PADI2: variants seen among roughly 807,000 people sequenced by gnomAD.
PADI2 encodes peptidyl arginine deiminase 2.
Under a neutral mutation model 81.1 loss-of-function variants are expected in PADI2, and 70 were observed. The observed-to-expected ratio is 0.86, with a 90% CI of 0.71 to 1.05. PADI2 has a LOEUF of 1.05. PADI2 is among the 50% of genes least tolerant of loss of function. The probability of loss-of-function intolerance (pLI) is 0.00; values close to 1 mark genes in which losing one functional copy is unlikely to be tolerated. For synonymous variants in PADI2, 338 were observed against 358.0 expected (o/e 0.94, Z 0.63); for missense variants, 853 against 889.9 (o/e 0.96, Z 0.53).
At chr1:17,074,593 G>T (rs756737867) in intron 13 of PADI2, among the ~76,000 whole-genome samples, 1 of 152,118 alleles carries the variant, frequency 6.6e-6, no homozygotes, top group Non-Finnish European at 1.5e-5. Context: ...TAAAGTATAC[G>T]CTAGGGCTTG....
intron 1 of PADI2, among the ~76,000 whole-genome samples, chr1:17,111,594 A>AT (rs912208558): frequency 1.3e-5 from 2 of 152,144 alleles, no homozygotes; most frequent in African/African-American, 4.8e-5. Context: ...CTGTAAAAAA[A>AT]AAAAATTAAA....
chr1:17,079,173 G>T, intron 11 of PADI2, 91 bp downstream of exon 11: 1 of 1,089,562 alleles, frequency 9.2e-7, no homozygotes, highest in Non-Finnish European at 1.3e-6. Context: ...CCAGCCACTT[G>T]CTCCATGTGT....
intron 1 of PADI2, among the ~76,000 whole-genome samples, chr1:17,117,461 G>A (rs547351796): frequency 6.6e-6 from 1 of 152,198 alleles, no homozygotes; most frequent in Non-Finnish European, 1.5e-5. Flanking sequence ...TTTCTGGACA[G>A]TACTGGTCTA....
intron 2 of PADI2, among the ~76,000 whole-genome samples, 197 bp from the exon 3 acceptor site, chr1:17,103,256 A>G (rs534464386): frequency 4.1e-4 from 62 of 151,656 alleles, no homozygotes; most frequent in African/African-American, 1.5e-3. Context: ...TAGACTGTGG[A>G]CTCCCCTCCT....
chr1:17,099,702 G>A (rs1931072537), intron 3 of PADI2, among the ~76,000 whole-genome samples: 1 of 152,230 alleles, frequency 6.6e-6, no homozygotes, highest in South Asian at 2.1e-4. Flanking sequence ...GAGAAAATGC[G>A]GCCACCTCAA....
rs147628040 is a variant in PADI2 at position 17,069,277 on chromosome 1, C to A, written c.1765G>T (p.Val589Leu). ...TCCTTGTCCAGCACGATCATGTTCA[C>A]CTGTGACGGGGGATTGCGATGGCAA... is the stretch of plus-strand genomic sequence containing the variant. ...HRARAFFPNMVNMIVLDKDLG... is the reference protein window; with the variant it reads ...HRARAFFPNMLNMIVLDKDLG... Residue 589 changes from valine to leucine, a missense_variant and splice_region_variant, in exon 16 of 16, where the codon GTG becomes TTG. Transcript: ENST00000375486. The A allele has an allele frequency of 1.4e-4, 226 of 1,612,508 alleles. No individual in the cohort carries two copies. The African/African-American group carries it at 1.6e-3, about 12-fold the overall frequency.
intron 13 of PADI2, among the ~76,000 whole-genome samples, chr1:17,071,932 T>C (rs910234): frequency 0.6 from 91,136 of 151,840 alleles, 27,718 homozygotes; most frequent in Middle Eastern, 0.7. Context: ...TGGCCTGCGT[T>C]TTCCTCCTGT....
intron 5 of PADI2, 67 bp downstream of exon 5, chr1:17,093,500 C>T: frequency 9.3e-7 from 1 of 1,073,382 alleles, no homozygotes; most frequent in Non-Finnish European, 1.4e-6. Flanking sequence ...CTCAGCCCAG[C>T]CCAGGACTGG....
rs2078372411 is a variant in PADI2, at chr1:17,084,689, G to A, written c.848C>T (p.Thr283Ile). The change falls in exon 8 of 16, where the codon ACT becomes ATT. Residue 283 changes from threonine to isoleucine, a missense_variant. Physicochemically the swap from Thr to Ile is moderately conservative, Grantham distance 89. Transcript: ENST00000375486. Reference protein sequence around the residue: ...LEYMAQDIPLTPIFTDTVIFR... With the variant: ...LEYMAQDIPLIPIFTDTVIFR... The stretch of plus-strand genomic sequence containing the variant: ...TATCACGGTGTCCGTGAAGATGGGA[G>A]TCAGGGGAATGTCCTGGGTGTGGGA... 7 of 1,556,832 alleles carry A rather than the reference G, an allele frequency of 4.5e-6. No homozygotes were observed. The highest frequency in any genetic ancestry group is 4.3e-6 in the Non-Finnish European group (5 of 1,149,788).
At chr1:17,077,641 G>A (rs781431440) in intron 11 of PADI2, among the ~76,000 whole-genome samples, 1 of 152,142 alleles carries the variant, frequency 6.6e-6, no homozygotes, top group Non-Finnish European at 1.5e-5. Context: ...TGGTGCTCAG[G>A]AAATGGTTGC....
intron 1 of PADI2, among the ~76,000 whole-genome samples, chr1:17,112,713 T>C (rs535338375): frequency 6.6e-6 from 1 of 152,330 alleles, no homozygotes; most frequent in South Asian, 2.1e-4. Flanking sequence ...GACGTCTGCC[T>C]TCAGCCAGCT....
intron 3 of PADI2, among the ~76,000 whole-genome samples, chr1:17,098,350 C>T (rs2235914): frequency 0.56 from 85,889 of 152,076 alleles, 24,519 homozygotes; most frequent in Middle Eastern, 0.62. Flanking sequence ...CTCCTTGTGG[C>T]GAGTCCATTA....
intron 13 of PADI2, among the ~76,000 whole-genome samples, chr1:17,072,933 C>T (rs995444550): frequency 1.3e-5 from 2 of 152,098 alleles, no homozygotes; most frequent in Admixed American, 1.3e-4. Context: ...ACAAACTTCC[C>T]ATCAGTGGGG....
At chr1:17,089,542 A>C (rs1002357055) in intron 6 of PADI2, among the ~76,000 whole-genome samples, 1 of 152,094 alleles carries the variant, frequency 6.6e-6, no homozygotes. Context: ...CAGGTGGAGG[A>C]CACGTTCTAG....
At chr1:17,071,185 G>A (rs2078262008) in intron 14 of PADI2, among the ~76,000 whole-genome samples, 1 of 152,168 alleles carries the variant, frequency 6.6e-6, no homozygotes, top group African/African-American at 2.4e-5. Context: ...CAAGTGAGGG[G>A]GCGGCACAAT....
chr1:17,075,908 C>T (rs2078298969), intron 11 of PADI2, 85 bp from the exon 12 acceptor site: 2 of 1,338,252 alleles, frequency 1.5e-6, no homozygotes, highest in Non-Finnish European at 2.1e-6. Flanking sequence ...TGGGACCCAC[C>T]TCGGACCCAG....
At chr1:17,069,617 G>A (rs1202718004) in intron 15 of PADI2, among the ~76,000 whole-genome samples, 1 of 151,514 alleles carries the variant, frequency 6.6e-6, no homozygotes, top group Non-Finnish European at 1.5e-5. Context: ...GTGTATTTCT[G>A]TGTGTGCATG....
intron 6 of PADI2, among the ~76,000 whole-genome samples, chr1:17,088,691 G>C (rs1236923247): frequency 1.3e-5 from 2 of 151,948 alleles, no homozygotes; most frequent in African/African-American, 2.4e-5. Context: ...GGCGAATCAC[G>C]AGGTCAGGAG....
chr1:17,087,691 A>C (rs1440532033), intron 6 of PADI2, among the ~76,000 whole-genome samples: 1 of 152,176 alleles, frequency 6.6e-6, no homozygotes, highest in Non-Finnish European at 1.5e-5. Flanking sequence ...TAGCAGAGAC[A>C]GGGTTTCATC....
Sources: gnomAD v4.1 joint callset for allele counts (sites outside exome capture counted in the v4.1 genomes callset) on GRCh38, gnomAD v4.1.1 for gene constraint, MANE v1.5 for transcripts, NCBI Gene and HGNC (gene_info 2026-07-23, HGNC 2026-07-21) for gene names.